The following PPP4R2 variants were observed in gnomAD, a reference collection of about 807,000 sequenced individuals.
PPP4R2 encodes protein phosphatase 4 regulatory subunit 2.
Under a neutral mutation model 47.2 loss-of-function variants are expected in PPP4R2, and 13 were observed. The observed-to-expected ratio is 0.28, with a 90% CI of 0.18 to 0.44. The LOEUF is 0.44. Ranked by LOEUF, PPP4R2 falls within the 20% of genes least tolerant of loss-of-function variation. The pLI is 1.00. For synonymous variants in PPP4R2, 151 were observed against 163.3 expected (o/e 0.92, Z 0.57); for missense variants, 421 against 491.2 (o/e 0.86, Z 1.35).
At chr3:73,013,487 A>C (rs1277981165) in intron 2 of PPP4R2, among the ~76,000 whole-genome samples, 3 of 107,880 alleles carry the variant, frequency 2.8e-5, no homozygotes, top group Non-Finnish European at 5.9e-5. Flanking sequence ...ACAAAAATGT[A>C]AGAAAAAAAA....
intron 3 of PPP4R2, among the ~76,000 whole-genome samples, chr3:73,050,368 A>G (rs1575878571): frequency 1.3e-5 from 2 of 152,068 alleles, no homozygotes; most frequent in South Asian, 2.1e-4. Flanking sequence ...AGATTTTTCT[A>G]TTTTTAATTT....
At chr3:73,023,789 G>A (rs1338933380) in intron 2 of PPP4R2, among the ~76,000 whole-genome samples, 1 of 152,058 alleles carries the variant, frequency 6.6e-6, no homozygotes, top group Non-Finnish European at 1.5e-5. Context: ...AAAAGTCACC[G>A]TGAAAAATGA....
chr3:73,037,924 G>C (rs1014654345), intron 2 of PPP4R2, among the ~76,000 whole-genome samples: 2 of 152,146 alleles, frequency 1.3e-5, no homozygotes, highest in African/African-American at 4.8e-5. Flanking sequence ...CCTGCTGGCA[G>C]TAACAAAGTA....
chr3:73,059,161 G>T, intron 4 of PPP4R2, 31 bp downstream of exon 4: 3 of 1,117,102 alleles, frequency 2.7e-6, no homozygotes, highest in Non-Finnish European at 3.9e-6. Flanking sequence ...ATTATATTAT[G>T]CTGTGGTGTA....
chr3:73,049,841 A>C (rs1461054245), intron 3 of PPP4R2, among the ~76,000 whole-genome samples: 1 of 151,760 alleles, frequency 6.6e-6, no homozygotes, highest in Non-Finnish European at 1.5e-5. Context: ...AAAAGAGGTA[A>C]TTCACCTACT....
At position 73,056,602 on chromosome 3, in the gene PPP4R2, T is replaced by G. The variant is rs564371874; in HGVS notation, c.288-2435T>G. Among the ~76,000 whole-genome samples, 7 of 150,354 alleles carry G rather than the reference T, an allele frequency of 4.7e-5. No homozygotes were observed. In the East Asian group the frequency reaches 5.8e-4, roughly 12 times the overall value. ...ACTTGGTAAAATGACTTTTAAAGCTTCTTTTACTTTTTGAAATAAGGATCT... is the reference window on the plus strand; with the variant it reads ...ACTTGGTAAAATGACTTTTAAAGCTGCTTTTACTTTTTGAAATAAGGATCT... On this transcript the variant is annotated intron_variant, in intron 3 of 8. Coordinates refer to ENST00000356692, the MANE Select transcript of PPP4R2 (RefSeq NM_174907.4).
At position 72,998,092 on chromosome 3, in the gene PPP4R2, G is replaced by T; in HGVS notation, c.50G>T (p.Gly17Val). 6.2e-7 allele frequency: 1 copy of T among 1,602,616 alleles called. No homozygotes were observed. Among genetic ancestry groups the T allele is most frequent in the Non-Finnish European group, 8.5e-7 (1 of 1,176,378 alleles). The change falls in exon 2 of 9, where the codon GGG becomes GTG. Residue 17 changes from glycine to valine, a missense_variant. Physicochemically the swap from Gly to Val is moderately radical, Grantham distance 109. Transcript: ENST00000356692. ...QEALKDFEKR[G>V]KKEVCPVLDQ... is the part of the protein sequence containing the mutation. ...CTTCATCTAGATTTTGAGAAGAGGG[G>T]GAAAAAGGAAGTTTGTCCTGTCCTG...
chr3:73,027,662 GTGT>G (rs1702091900), intron 2 of PPP4R2: 7 of 43,900 alleles, frequency 1.6e-4, no homozygotes, highest in Admixed American at 6.7e-4. Context: ...CTTGTGAGGT[GTGT>G]GTGTGTGTGT....
chr3:73,018,422 T>TGTTAC (rs1701886732), intron 2 of PPP4R2, among the ~76,000 whole-genome samples: 3 of 95,884 alleles, frequency 3.1e-5, no homozygotes, highest in Non-Finnish European at 6.4e-5. Context: ...TGTTATGTTA[T>TGTTAC]GTTATGTTAT....
intron 3 of PPP4R2, among the ~76,000 whole-genome samples, chr3:73,051,857 C>T (rs563026980): frequency 1.3e-3 from 195 of 152,190 alleles, no homozygotes; most frequent in African/African-American, 4.5e-3. Flanking sequence ...GATCTCCTGA[C>T]CTTGTGACCC....
At chr3:73,063,393 G>T in intron 5 of PPP4R2, 1 of 278,126 alleles carries the variant, frequency 3.6e-6, no homozygotes. Context: ...GGAGGCCGAG[G>T]TGGGCCGATC....
intron 5 of PPP4R2, chr3:73,062,750 A>G: frequency 6.2e-7 from 1 of 1,613,990 alleles, no homozygotes; most frequent in South Asian, 1.1e-5. Context: ...GAAGACTTTC[A>G]CATGGTGAGA....
chr3:73,019,778 G>GCT (rs143449734), intron 2 of PPP4R2, among the ~76,000 whole-genome samples: 11,326 of 152,130 alleles, frequency 0.074, 606 homozygotes, highest in African/African-American at 0.14. Context: ...AAGTATACTT[G>GCT]CTCTCTCTCT....
At position 73,068,559 on chromosome 3, in the gene PPP4R2, C is replaced by T. The variant is rs1217756265; in HGVS notation, c.*2837C>T. 1 of 152,206 alleles carries T rather than the reference C, an allele frequency of 6.6e-6. No homozygotes were observed. The highest frequency in any genetic ancestry group is 1.9e-4 in the East Asian group (1 of 5,194). 9.4% of individuals were successfully genotyped at this position (152,206 alleles called of 1,614,324 possible). A position where few individuals can be genotyped will look rare whatever the true frequency, so the allele number is the denominator to read the frequency against. On this transcript the variant is annotated 3_prime_UTR_variant, in exon 9 of 9. Coordinates refer to ENST00000356692, the MANE Select transcript of PPP4R2 (RefSeq NM_174907.4). ...TAGGGTTTATTGTAACTACACCTTT[C>T]AGACGTGTGTTTTGGAGTAGTGGAA...
intron 2 of PPP4R2, among the ~76,000 whole-genome samples, chr3:73,000,881 A>G (rs1210099996): frequency 1.3e-5 from 2 of 152,194 alleles, no homozygotes; most frequent in African/African-American, 4.8e-5. Context: ...CACTTGATGC[A>G]TTTCAGTCAT....
intron 2 of PPP4R2, among the ~76,000 whole-genome samples, chr3:73,022,948 A>G (rs1701989197): frequency 1.3e-5 from 2 of 152,136 alleles, no homozygotes; most frequent in Admixed American, 1.3e-4. Context: ...GCTGATTTAA[A>G]TAATGGTGTG....
rs367972331 is a variant in PPP4R2 at position 73,053,685 on chromosome 3, G to A, written c.288-5352G>A. Among the ~76,000 whole-genome samples, 47 of 152,026 alleles carry A rather than the reference G, an allele frequency of 3.1e-4. No individual in the cohort carries two copies. In the East Asian group the frequency reaches 3.5e-3, roughly 11 times the overall value. ...AGCACTTTGGGAGGCCCAGGCAGGC[G>A]GATCATGAGGTCAGGAGATGGAGAC... On this transcript the variant is annotated intron_variant, in intron 3 of 8. Transcript: ENST00000356692.
intron 5 of PPP4R2, chr3:73,062,122 A>T (rs1379661942): frequency 3.2e-6 from 5 of 1,548,810 alleles, no homozygotes; most frequent in Non-Finnish European, 4.4e-6. Context: ...GTTAATTCTC[A>T]CAGTCTTTTT....
chr3:73,034,311 C>A (rs935708790), intron 2 of PPP4R2, among the ~76,000 whole-genome samples: 4 of 152,096 alleles, frequency 2.6e-5, no homozygotes, highest in Admixed American at 2.6e-4. Context: ...TATTTTAACT[C>A]CTCCTCTTCC....
Sources: allele counts gnomAD v4.1 joint callset (sites outside exome capture counted in the v4.1 genomes callset), GRCh38; gene constraint gnomAD v4.1.1; transcripts MANE v1.5; gene names NCBI Gene and HGNC (gene_info 2026-07-23, HGNC 2026-07-21).